NRXN3: variants seen among roughly 807,000 people sequenced by gnomAD.
NRXN3 encodes neurexin 3, also known as neurexin III.
Under a neutral mutation model 137.6 loss-of-function variants are expected in NRXN3, and 32 were observed. The ratio of observed to expected loss-of-function variants is 0.23; its 90% CI spans 0.18 to 0.31. NRXN3 has a LOEUF of 0.31. NRXN3 is among the 10% of genes least tolerant of loss of function. The probability of loss-of-function intolerance (pLI) is 1.00; values close to 1 mark genes in which losing one functional copy is unlikely to be tolerated. For synonymous variants in NRXN3, 798 were observed against 784.5 expected (o/e 1.02, Z -0.29); for missense variants, 1,574 against 2,062.5 (o/e 0.76, Z 4.59).
intron 4 of NRXN3, among the ~76,000 whole-genome samples, chr14:78,314,671 C>G (rs79703399): frequency 0.012 from 1,861 of 152,232 alleles, 43 homozygotes; most frequent in African/African-American, 0.042. Context: ...GGATAAGGGG[C>G]CTGGTGGCTA....
intron 15 of NRXN3, among the ~76,000 whole-genome samples, chr14:79,347,107 G>A (rs2092924733): frequency 6.6e-6 from 1 of 152,060 alleles, no homozygotes; most frequent in Non-Finnish European, 1.5e-5. Flanking sequence ...AGGGGAGCGT[G>A]GCCATGCTTG....
At chr14:78,239,115 C>T (rs1236716677) in intron 1 of NRXN3, among the ~76,000 whole-genome samples, 1 of 152,222 alleles carries the variant, frequency 6.6e-6, no homozygotes, top group Non-Finnish European at 1.5e-5. Context: ...CAGGAACATT[C>T]TTCCACTTCT....
intron 15 of NRXN3, among the ~76,000 whole-genome samples, chr14:79,443,127 T>C (rs1424852643): frequency 1.3e-5 from 2 of 152,248 alleles, no homozygotes; most frequent in Admixed American, 1.3e-4. Context: ...CAGTAAGTAA[T>C]GTAAAATCAT....
At chr14:79,860,939 T>C in intron 20 of NRXN3, 1 of 746,088 alleles carries the variant, frequency 1.3e-6, no homozygotes, top group Non-Finnish European at 1.9e-6. Context: ...ATCCAGATCT[T>C]TTTATTATAA....
At position 78,572,948 on chromosome 14, in the gene NRXN3, A is replaced by G. The variant is rs117749808; in HGVS notation, c.758-72172A>G. The stretch of plus-strand genomic sequence containing the variant: ...CCAAATCTCACCTTGAATTGTAATA[A>G]TCCCCATGTATCAAGGGTGAGACTA... On this transcript the variant is annotated intron_variant, in intron 4 of 20. Coordinates refer to ENST00000335750, the MANE Select transcript of NRXN3 (RefSeq NM_001330195.2). Among the ~76,000 whole-genome samples, 747 of 152,268 alleles carry G rather than the reference A, an allele frequency of 4.9e-3. 19 individuals carry two copies. The East Asian group carries it at 0.092, about 19-fold the overall frequency.
chr14:79,361,136 A>T (rs575692285), intron 15 of NRXN3, among the ~76,000 whole-genome samples: 1 of 152,178 alleles, frequency 6.6e-6, no homozygotes, highest in Non-Finnish European at 1.5e-5. Flanking sequence ...AAATGAAATC[A>T]TTGGGGCTGA....
At chr14:78,880,402 G>T (rs1342397215) in intron 10 of NRXN3, among the ~76,000 whole-genome samples, 2 of 152,274 alleles carry the variant, frequency 1.3e-5, no homozygotes, top group Non-Finnish European at 2.9e-5. Context: ...TTGGAACAAA[G>T]AGCCAGAGAT....
chr14:78,654,612 C>A (rs1009942872), intron 6 of NRXN3, among the ~76,000 whole-genome samples: 1 of 152,246 alleles, frequency 6.6e-6, no homozygotes, highest in African/African-American at 2.4e-5. Flanking sequence ...CACAACAAAG[C>A]GTCCACATTG....
intron 15 of NRXN3, among the ~76,000 whole-genome samples, chr14:79,465,516 A>C (rs1026845307): frequency 1.3e-5 from 2 of 152,202 alleles, no homozygotes; most frequent in African/African-American, 4.8e-5. Flanking sequence ...ATGCCTCAGA[A>C]TTTAATGAGT....
chr14:78,562,301 G>A (rs1395547833), intron 4 of NRXN3, among the ~76,000 whole-genome samples: 1 of 150,894 alleles, frequency 6.6e-6, no homozygotes, highest in Non-Finnish European at 1.5e-5. Flanking sequence ...GGAGGCTGAG[G>A]CAGAGGAATC....
chr14:78,892,142 G>A (rs181324454), intron 10 of NRXN3, among the ~76,000 whole-genome samples: 2 of 152,072 alleles, frequency 1.3e-5, no homozygotes, highest in East Asian at 3.9e-4. Flanking sequence ...TGGGGGTCTA[G>A]CAATTTATGG....
At chr14:79,518,855 T>G (rs1182881054) in intron 16 of NRXN3, among the ~76,000 whole-genome samples, 2 of 152,214 alleles carry the variant, frequency 1.3e-5, no homozygotes, top group African/African-American at 4.8e-5. Flanking sequence ...CTATGGTTTC[T>G]TAACACTGAA....
intron 15 of NRXN3, among the ~76,000 whole-genome samples, chr14:79,103,026 C>T (rs576735278): frequency 2.6e-5 from 4 of 152,220 alleles, no homozygotes; most frequent in East Asian, 1.9e-4. Context: ...AATAAAATGA[C>T]ATGAGTAATT....
At chr14:79,197,210 A>G (rs949216868) in intron 15 of NRXN3, among the ~76,000 whole-genome samples, 5 of 152,228 alleles carry the variant, frequency 3.3e-5, no homozygotes, top group Admixed American at 6.5e-5. Context: ...GACATCCTCA[A>G]GTCCCAGTCT....
Position 79,569,630 on chromosome 14 carries a change from TGAGAGA to T in NRXN3, c.3445-94133_3445-94128del, listed in dbSNP as rs765780227. ...GTGTGTGTGTGTGTGTGTGTGTGTG[TGAGAGA>T]GAGAGAGAGAGAGACAGAGAGACAG... is the stretch of plus-strand genomic sequence containing the variant. On this transcript the variant is annotated intron_variant, in intron 16 of 20. Coordinates refer to ENST00000335750, the MANE Select transcript of NRXN3 (RefSeq NM_001330195.2). Among the ~76,000 whole-genome samples the T allele has an allele frequency of 1.4e-3, 185 of 135,772 alleles. 1 individual carries two copies. The Middle Eastern group carries it at 0.027, about 20-fold the overall frequency. The allele number at this position is 135,772 out of a possible 152,430, so 89.1% of individuals were successfully genotyped here.
intron 19 of NRXN3, among the ~76,000 whole-genome samples, chr14:79,794,133 G>C (rs934195627): frequency 3.3e-5 from 5 of 152,144 alleles, no homozygotes; most frequent in African/African-American, 1.2e-4. Flanking sequence ...GGGAGGATGA[G>C]GCAGGTGAAT....
At chr14:78,224,105 C>G (rs1360521978) in intron 1 of NRXN3, among the ~76,000 whole-genome samples, 1 of 152,038 alleles carries the variant, frequency 6.6e-6, no homozygotes, top group Non-Finnish European at 1.5e-5. Context: ...ATCACTCCCT[C>G]TGTTTAAAAT....
chr14:78,395,481 C>A (rs1243150221), intron 4 of NRXN3, among the ~76,000 whole-genome samples: 4 of 151,430 alleles, frequency 2.6e-5, no homozygotes, highest in Admixed American at 1.3e-4. Context: ...AATGTGTATT[C>A]TTTTACTGTT....
At chr14:78,723,257 T>C (rs2098468312) in intron 8 of NRXN3, among the ~76,000 whole-genome samples, 1 of 152,160 alleles carries the variant, frequency 6.6e-6, no homozygotes, top group Admixed American at 6.5e-5. Flanking sequence ...CAGTTTGCAT[T>C]GGTATTAATT....
Sources: gnomAD v4.1 joint callset for allele counts (sites outside exome capture counted in the v4.1 genomes callset) on GRCh38, gnomAD v4.1.1 for gene constraint, MANE v1.5 for transcripts, NCBI Gene and HGNC (gene_info 2026-07-23, HGNC 2026-07-21) for gene names.